The following ACBD6 variants were observed in gnomAD, a reference collection of about 807,000 sequenced individuals.
The protein encoded by ACBD6 is acyl-CoA-binding domain-containing protein 6.
In ACBD6, 28 loss-of-function variants were observed where a neutral mutation model predicts 37.2. The ratio of observed to expected loss-of-function variants is 0.75; its 90% confidence interval spans 0.56 to 1.03. The LOEUF (loss-of-function observed/expected upper bound fraction) is 1.03, where lower values mean the gene tolerates loss of function less well. Ranked by LOEUF, ACBD6 falls within the 50% of genes least tolerant of loss-of-function variation. The pLI, the probability that ACBD6 is intolerant of heterozygous loss-of-function variation, is 0.00. For missense variants in ACBD6, 340 were observed against 337.4 expected (o/e 1.01, Z -0.06); for synonymous variants, 113 against 126.8 (o/e 0.89, Z 0.73).
chr1:180,397,440 G>A (rs1654305606), intron 6 of ACBD6, 76 bp downstream of exon 6: 2 of 1,282,920 alleles, frequency 1.6e-6, no homozygotes, highest in African/African-American at 2.9e-5. Context: ...TTTCAAAAGA[G>A]TTAATCTGGT....
At chr1:180,435,934 T>C (rs920103275) in intron 3 of ACBD6, 5 of 1,331,200 alleles carry the variant, frequency 3.8e-6, no homozygotes, top group Admixed American at 1.7e-5. Flanking sequence ...GCCTGGAATT[T>C]CAAGCATAAA....
chr1:180,390,322 G>A (rs1168948248), intron 6 of ACBD6, among the ~76,000 whole-genome samples: 1 of 146,060 alleles, frequency 6.8e-6, no homozygotes, highest in Non-Finnish European at 1.5e-5. Context: ...TAGATACGCG[G>A]CATTATTTCT....
chr1:180,388,274 C>A (rs1653923117), intron 6 of ACBD6, among the ~76,000 whole-genome samples: 1 of 151,998 alleles, frequency 6.6e-6, no homozygotes. Flanking sequence ...CTTCTTCTAA[C>A]CCTTTAGTCT....
chr1:180,393,892 C>T (rs553858903), intron 6 of ACBD6, among the ~76,000 whole-genome samples: 27 of 152,148 alleles, frequency 1.8e-4, no homozygotes, highest in Non-Finnish European at 3.7e-4. Flanking sequence ...AAAACCTACA[C>T]GGAACTTTTA....
At chr1:180,413,770 G>A (rs1647961913) in intron 4 of ACBD6, among the ~76,000 whole-genome samples, 1 of 151,966 alleles carries the variant, frequency 6.6e-6, no homozygotes, top group Admixed American at 6.6e-5. Flanking sequence ...AAAGAGGGGG[G>A]CATTAAAAAA....
intron 6 of ACBD6, among the ~76,000 whole-genome samples, chr1:180,355,591 G>A (rs566839747): frequency 2.0e-5 from 3 of 152,176 alleles, no homozygotes; most frequent in African/African-American, 7.2e-5. Context: ...CTTTCATCAA[G>A]TGAGGTTGAT....
Position 180,397,572 on chromosome 1 carries a change from C to T in ACBD6, c.607G>A (p.Gly203Arg), listed in dbSNP as rs768403001. The part of the protein sequence containing the change: ...RALLHWACDR[G>R]HKELVTVLLQ... ...AACACTGTGACTAGTTCCTTATGTC[C>T]TCGATCACAGGCCCAGTGAAGTAGA... The change falls in exon 6 of 8, where the codon GGA becomes AGA. Residue 203 changes from glycine to arginine, a missense_variant. Physicochemically the swap from Gly to Arg is moderately radical, Grantham distance 125. Coordinates refer to ENST00000367595, the MANE Select transcript of ACBD6 (RefSeq NM_032360.4). The T allele has an allele frequency of 1.9e-6, 3 of 1,613,902 alleles. No homozygotes were observed. Among genetic ancestry groups the T allele is most frequent in the Non-Finnish European group, 2.5e-6 (3 of 1,179,966 alleles).
At chr1:180,430,094 T>C (rs1648753361) in intron 4 of ACBD6, 86 bp downstream of exon 4, 8 of 1,121,884 alleles carry the variant, frequency 7.1e-6, no homozygotes, top group African/African-American at 3.1e-5. Context: ...AGTACACATA[T>C]ACACATACAT....
At chr1:180,456,755 T>A (rs1296895325) in intron 3 of ACBD6, among the ~76,000 whole-genome samples, 2 of 151,974 alleles carry the variant, frequency 1.3e-5, no homozygotes, top group Non-Finnish European at 2.9e-5. Flanking sequence ...ACACCGTCTT[T>A]CTCTGTTGCC....
intron 4 of ACBD6, among the ~76,000 whole-genome samples, chr1:180,414,880 C>T (rs1216877652): frequency 6.6e-6 from 1 of 152,022 alleles, no homozygotes; most frequent in African/African-American, 2.4e-5. Flanking sequence ...GAGGTCAAAC[C>T]CCAGAAAAGA....
intron 6 of ACBD6, among the ~76,000 whole-genome samples, chr1:180,317,771 A>G (rs938109251): frequency 3.9e-5 from 6 of 152,168 alleles, no homozygotes; most frequent in African/African-American, 1.4e-4. Context: ...TGTCACTTGT[A>G]AACAAGAGTC....
At chr1:180,302,045 G>A (rs752871534) in intron 7 of ACBD6, among the ~76,000 whole-genome samples, 1 of 151,668 alleles carries the variant, frequency 6.6e-6, no homozygotes, top group African/African-American at 2.4e-5. Flanking sequence ...TTATTGGGGG[G>A]GGAGGGTGGA....
chr1:180,498,666 T>C (rs542179218), intron 1 of ACBD6, among the ~76,000 whole-genome samples: 1 of 152,170 alleles, frequency 6.6e-6, no homozygotes, highest in African/African-American at 2.4e-5. Flanking sequence ...TGGTCAACCA[T>C]GGCCAACATG....
chr1:180,413,514 A>G lies in ACBD6; in HGVS notation c.468-43T>C, dbSNP rs754214928. On this transcript the variant is annotated intron_variant, in intron 4 of 7. Coordinates refer to ENST00000367595, the MANE Select transcript of ACBD6 (RefSeq NM_032360.4). ...AAGGTCTTTTTTTACTGGGTAATAC[A>G]TTAAAGTTACATATTTTCAACACAA... The G allele has an allele frequency of 5.1e-6, 7 of 1,383,408 alleles. No homozygotes were observed. In the African/African-American group the frequency reaches 7.1e-5, roughly 14 times the overall value. 85.7% of individuals were successfully genotyped at this position (1,383,408 alleles called of 1,614,324 possible). A position where few individuals can be genotyped will look rare whatever the true frequency, so the allele number is the denominator to read the frequency against.
exon 14 of ACBD6, chr1:180,271,693 G>T (rs1182301585): frequency 2.3e-6 from 3 of 1,289,626 alleles, no homozygotes; most frequent in Non-Finnish European, 3.4e-6. Flanking sequence ...CACCTGGGGA[G>T]AGGGGGTGGG....
At chr1:180,319,079 C>T (rs1282608768) in intron 6 of ACBD6, among the ~76,000 whole-genome samples, 1 of 152,130 alleles carries the variant, frequency 6.6e-6, no homozygotes, top group African/African-American at 2.4e-5. Context: ...AATCCCCCAA[C>T]CTTTAAGACT....
At chr1:180,430,405 A>G in intron 3 of ACBD6, 143 bp from the exon 4 acceptor site, 1 of 722,964 alleles carries the variant, frequency 1.4e-6, no homozygotes, top group Non-Finnish European at 2.4e-6. Context: ...TAAAACTTTT[A>G]AGGTGGTAAC....
intron 5 of ACBD6, among the ~76,000 whole-genome samples, chr1:180,407,791 A>G (rs1222693519): frequency 6.6e-6 from 1 of 152,234 alleles, no homozygotes; most frequent in Admixed American, 6.5e-5. Context: ...TAATATAGTA[A>G]TAAGTGAAAG....
rs1651696934 is a variant in ACBD6 at position 180,495,468 on chromosome 1, G to A, written c.280C>T (p.Gln94Ter). ...KPSFFDFEGKQKWEAWKALGD... is the reference protein window; with the variant it reads ...KPSFFDFEGK Reference sequence around the variant, plus strand: ...ATTCCAGGAATTTCTTACCATTTTTGCTTTCCTTCAAAATCAAAGAAGCTT... The same window carrying A: ...ATTCCAGGAATTTCTTACCATTTTTACTTTCCTTCAAAATCAAAGAAGCTT... The change falls in exon 2 of 8, where the codon CAA (glutamine) becomes TAA (stop). Residue 94 changes from glutamine (Q) to a stop codon, truncating the protein, a stop_gained. Coordinates refer to ENST00000367595, the MANE Select transcript of ACBD6 (RefSeq NM_032360.4). LOFTEE classifies it high-confidence loss of function. 1 of 1,598,990 alleles carries A rather than the reference G, an allele frequency of 6.3e-7. No individual in the cohort carries two copies. The highest frequency in any genetic ancestry group is 1.7e-5 in the Admixed American group (1 of 57,632).
Sources: allele counts gnomAD v4.1 joint callset (sites outside exome capture counted in the v4.1 genomes callset), GRCh38; gene constraint gnomAD v4.1.1; transcripts MANE v1.5; gene names NCBI Gene and HGNC (gene_info 2026-07-23, HGNC 2026-07-21).